Variants in SGCZ observed in about 807,000 individuals in gnomAD.
The protein encoded by SGCZ is sarcoglycan zeta.
A neutral mutation model predicts 41.3 loss-of-function variants in SGCZ; 40 were observed. The ratio of observed to expected loss-of-function variants is 0.97; its 90% CI spans 0.75 to 1.26. The LOEUF is 1.26. Ranked by LOEUF, SGCZ falls within the 50% of genes most tolerant of loss-of-function variation. The pLI, the probability that SGCZ is intolerant of heterozygous loss-of-function variation, is 0.00. For synonymous variants in SGCZ, 206 were observed against 137.5 expected, an observed-to-expected ratio of 1.50 and a Z score of -3.49; for missense variants, 552 against 369.8, an observed-to-expected ratio of 1.49 and a Z score of -4.04.
At chr8:14,402,947 T>C (rs1435275839) in intron 2 of SGCZ, among the ~76,000 whole-genome samples, 1 of 149,864 alleles carries the variant, frequency 6.7e-6, no homozygotes, top group Non-Finnish European at 1.5e-5. Context: ...CATTTGTTTT[T>C]ATCCTCTTTT....
intron 1 of SGCZ, among the ~76,000 whole-genome samples, chr8:14,916,624 C>T (rs1673302219): frequency 3.9e-5 from 6 of 152,182 alleles, no homozygotes; most frequent in Admixed American, 3.9e-4. Context: ...AAAGCAACTT[C>T]ACTTCATATT....
chr8:14,146,297 C>G (rs1803518401), intron 5 of SGCZ, among the ~76,000 whole-genome samples: 1 of 151,894 alleles, frequency 6.6e-6, no homozygotes, highest in Non-Finnish European at 1.5e-5. Context: ...ATCTCAAGTG[C>G]TGAAGCAAAA....
chr8:14,498,605 T>A (rs1802059934), intron 2 of SGCZ, among the ~76,000 whole-genome samples: 1 of 152,132 alleles, frequency 6.6e-6, no homozygotes. Flanking sequence ...ATTATTCACT[T>A]ATTCCTTATT....
chr8:14,879,844 T>A (rs1274641073), intron 1 of SGCZ: 1 of 137,330 alleles, frequency 7.3e-6, no homozygotes, highest in East Asian at 1.9e-4. Context: ...TTTTTTTTGT[T>A]TTTTTTTGTT....
chr8:14,648,467 G>A (rs1167913440), intron 1 of SGCZ, among the ~76,000 whole-genome samples: 1 of 152,002 alleles, frequency 6.6e-6, no homozygotes, highest in Non-Finnish European at 1.5e-5. Context: ...TCACTGAATA[G>A]TATGTTTAGT....
chr8:14,237,734 C>A, intron 3 of SGCZ, 55 bp from the exon 4 acceptor site: 3 of 1,506,928 alleles, frequency 2.0e-6, no homozygotes, highest in Non-Finnish European at 1.8e-6. Flanking sequence ...GTCAAATTTA[C>A]AAAAAAATAT....
chr8:15,064,281 C>T (rs190175311), intron 1 of SGCZ, among the ~76,000 whole-genome samples: 1 of 152,260 alleles, frequency 6.6e-6, no homozygotes, highest in East Asian at 1.9e-4. Context: ...TCACTTACCA[C>T]CCTAGGTCTC....
intron 1 of SGCZ, among the ~76,000 whole-genome samples, chr8:14,929,704 A>C (rs1799870960): frequency 6.6e-6 from 1 of 152,064 alleles, no homozygotes; most frequent in Non-Finnish European, 1.5e-5. Flanking sequence ...ACTAGGTATA[A>C]AATCCACAGC....
intron 1 of SGCZ, among the ~76,000 whole-genome samples, chr8:14,984,836 T>G (rs1801778594): frequency 6.6e-6 from 1 of 152,202 alleles, no homozygotes; most frequent in Non-Finnish European, 1.5e-5. Context: ...TAGCATTTTG[T>G]GTTTTGGGAC....
At chr8:14,835,497 A>G (rs960928805) in intron 1 of SGCZ, among the ~76,000 whole-genome samples, 2 of 152,158 alleles carry the variant, frequency 1.3e-5, no homozygotes, top group Admixed American at 1.3e-4. Context: ...TGTCTGCAGG[A>G]TACTGCATTT....
At chr8:15,156,480 T>C (rs977274074) in intron 1 of SGCZ, among the ~76,000 whole-genome samples, 2 of 152,192 alleles carry the variant, frequency 1.3e-5, no homozygotes, top group Admixed American at 1.3e-4. Context: ...GGAAAGAACA[T>C]ACCTGAAAAG....
intron 1 of SGCZ, among the ~76,000 whole-genome samples, chr8:14,724,349 T>G (rs1280561801): frequency 6.6e-6 from 1 of 151,974 alleles, no homozygotes; most frequent in Non-Finnish European, 1.5e-5. Context: ...TTTTTCCTAT[T>G]TCTATTGTGA....
intron 1 of SGCZ, among the ~76,000 whole-genome samples, chr8:14,600,528 C>T (rs1805557797): frequency 6.6e-6 from 1 of 152,130 alleles, no homozygotes; most frequent in Non-Finnish European, 1.5e-5. Flanking sequence ...AGTCAAACCT[C>T]CCAGGCAGTT....
intron 1 of SGCZ, among the ~76,000 whole-genome samples, chr8:15,148,967 C>T (rs763519861): frequency 1.3e-5 from 2 of 152,138 alleles, no homozygotes; most frequent in Non-Finnish European, 2.9e-5. Flanking sequence ...AAAGCAAACA[C>T]GTATCACAGA....
chr8:14,171,324 A>C (rs1382580289), intron 4 of SGCZ, among the ~76,000 whole-genome samples: 1 of 151,942 alleles, frequency 6.6e-6, no homozygotes, highest in Admixed American at 6.6e-5. Flanking sequence ...TAACATCTTA[A>C]AAAGAGATCT....
intron 7 of SGCZ, among the ~76,000 whole-genome samples, chr8:14,093,393 A>G (rs1238898461): frequency 6.6e-6 from 1 of 152,052 alleles, no homozygotes; most frequent in African/African-American, 2.4e-5. Flanking sequence ...CTTCAATTGG[A>G]TCCTGATGTC....
intron 2 of SGCZ, among the ~76,000 whole-genome samples, chr8:14,348,194 G>C (rs899180394): frequency 6.6e-6 from 1 of 152,034 alleles, no homozygotes; most frequent in African/African-American, 2.4e-5. Context: ...AACAAGACAT[G>C]CAGACCTTTA....
At chr8:14,509,475 C>T (rs1403769608) in intron 2 of SGCZ, among the ~76,000 whole-genome samples, 1 of 152,042 alleles carries the variant, frequency 6.6e-6, no homozygotes, top group East Asian at 1.9e-4. Flanking sequence ...ATGATGTGCC[C>T]AAATTTATAT....
chr8:15,092,643 A>G (rs549716125), intron 1 of SGCZ, among the ~76,000 whole-genome samples: 6 of 152,356 alleles, frequency 3.9e-5, no homozygotes, highest in Non-Finnish European at 8.8e-5. Context: ...CAATTTTAAA[A>G]TATCCTTGGT....
Sources: allele counts gnomAD v4.1 joint callset (sites outside exome capture counted in the v4.1 genomes callset), GRCh38; gene constraint gnomAD v4.1.1; transcripts MANE v1.5; gene names NCBI Gene and HGNC (gene_info 2026-07-23, HGNC 2026-07-21).